The following TAFA5 variants were observed in gnomAD, a reference collection of about 807,000 sequenced individuals.
TAFA5 encodes chemokine-like protein TAFA-5.
Under a neutral mutation model 15.3 loss-of-function variants are expected in TAFA5, and 6 were observed. That is an observed-to-expected ratio of 0.39 (90% confidence interval 0.21 to 0.77). TAFA5 has a LOEUF of 0.77. Ranked by LOEUF, TAFA5 falls within the 30% of genes least tolerant of loss-of-function variation. The pLI is 0.41. For missense variants in TAFA5, 161 were observed against 193.1 expected (o/e 0.83, Z 0.98); for synonymous variants, 103 against 80.7 (o/e 1.28, Z -1.48).
intron 2 of TAFA5, among the ~76,000 whole-genome samples, chr22:48,700,085 G>C (rs1928856731): frequency 5.9e-5 from 9 of 152,146 alleles, no homozygotes; most frequent in Admixed American, 5.2e-4. Flanking sequence ...ATGGGCCCCT[G>C]GGACAGCATT....
rs1242424582 is a variant in TAFA5 at position 48,560,278 on chromosome 22, G to A, written c.112+70574G>A. 6.6e-6 allele frequency among the ~76,000 whole-genome samples: 1 copy of A among 152,172 alleles called. No individual in the cohort carries two copies. Among genetic ancestry groups the A allele is most frequent in the Non-Finnish European group, 1.5e-5 (1 of 68,040 alleles). On this transcript the variant is annotated intron_variant, in intron 1 of 3. Transcript: ENST00000402357. The surrounding 1 kb of genome is among the most constrained non-coding windows in gnomAD (Gnocchi z 4.2). ...CCCAGGCTGGTGCCGTCAGGCTCCC[G>A]GCATTGGTGCACCCCGGCATTGGTG...
In TAFA5 at chr22:48,601,466, A is replaced by G. The variant is rs1043485183; in HGVS notation, c.113-45131A>G. On this transcript the variant is annotated intron_variant, in intron 1 of 3. Transcript: ENST00000402357. ...TTCAGCCTCCAGAGTAGCTGGGACT[A>G]CAGGCATGCACCACCATGCCCGGCG... Among the ~76,000 whole-genome samples, 3 of 152,112 alleles carry G rather than the reference A, an allele frequency of 2.0e-5. 1 individual carries two copies. The highest frequency in any genetic ancestry group is 7.2e-5 in the African/African-American group (3 of 41,414).
At chr22:48,727,025 A>G (rs1601701521) in intron 3 of TAFA5, among the ~76,000 whole-genome samples, 1 of 152,174 alleles carries the variant, frequency 6.6e-6, no homozygotes, top group Non-Finnish European at 1.5e-5. Flanking sequence ...AATTATTGCT[A>G]TCAGGTACAT....
intron 1 of TAFA5, among the ~76,000 whole-genome samples, chr22:48,555,136 G>A (rs991061904): frequency 2.6e-5 from 4 of 152,222 alleles, no homozygotes; most frequent in African/African-American, 9.6e-5. Flanking sequence ...CTGTCTCTTA[G>A]CAAACAGCCC....
At chr22:48,536,456 A>G (rs1922168923) in intron 1 of TAFA5, among the ~76,000 whole-genome samples, 1 of 152,208 alleles carries the variant, frequency 6.6e-6, no homozygotes. Flanking sequence ...GCGGGTGGGT[A>G]ACGAGCGCGC....
intron 1 of TAFA5, among the ~76,000 whole-genome samples, chr22:48,642,809 GTGCACGTGTGTGGTGTGTGTGCA>G (rs1396099932): frequency 2.4e-4 from 37 of 152,240 alleles, no homozygotes; most frequent in African/African-American, 8.9e-4. Flanking sequence ...TGGTCTGTGT[GTGCACGTGTGTGGTGTGTGTGCA>G]TGCACACGTG....
At chr22:48,719,031 G>A (rs1929488982) in intron 3 of TAFA5, among the ~76,000 whole-genome samples, 1 of 152,254 alleles carries the variant, frequency 6.6e-6, no homozygotes, top group South Asian at 2.1e-4. Flanking sequence ...GGACTGGGGA[G>A]CATAGCTGTT....
intron 1 of TAFA5, among the ~76,000 whole-genome samples, chr22:48,636,623 G>T (rs1329510673): frequency 6.6e-6 from 1 of 152,258 alleles, no homozygotes; most frequent in Non-Finnish European, 1.5e-5. Flanking sequence ...GCCTTCTGTT[G>T]TGGGGAGACG....
chr22:48,567,341 G>GC lies in TAFA5; in HGVS notation c.112+77641dup, dbSNP rs772654174. ...CGAGGACTGCGGGTAGCAGGCTCCC[G>GC]CCCCAGGCTGAGTGCTTTCCTCCCA... On this transcript the variant is annotated intron_variant, in intron 1 of 3. Transcript: ENST00000402357. Among the ~76,000 whole-genome samples, 11 of 150,962 alleles carry GC rather than the reference G, an allele frequency of 7.3e-5. No homozygotes were observed. In the East Asian group the frequency reaches 2.1e-3, roughly 29 times the overall value.
chr22:48,691,316 A>G (rs981346946), intron 2 of TAFA5, among the ~76,000 whole-genome samples: 3 of 152,228 alleles, frequency 2.0e-5, no homozygotes, highest in African/African-American at 7.2e-5. Context: ...CCGTCTTTCC[A>G]AAGCCCTGGG....
chr22:48,616,591 G>C (rs1425408395), intron 1 of TAFA5, among the ~76,000 whole-genome samples: 1 of 97,492 alleles, frequency 1.0e-5, no homozygotes, highest in East Asian at 6.7e-4. Context: ...CAGGAAGGTG[G>C]CATTTTGCCT....
chr22:48,539,994 A>G (rs1029821604), intron 1 of TAFA5, among the ~76,000 whole-genome samples: 20 of 152,126 alleles, frequency 1.3e-4, no homozygotes, highest in Non-Finnish European at 2.8e-4. Context: ...GGCAGAGCCC[A>G]TGTCCCATGG....
intron 1 of TAFA5, among the ~76,000 whole-genome samples, chr22:48,561,336 C>A (rs1414845505): frequency 6.6e-6 from 1 of 152,158 alleles, no homozygotes; most frequent in Non-Finnish European, 1.5e-5. Context: ...GTTTCTGGGG[C>A]CCCTTTGCAG....
chr22:48,579,864 A>G (rs1923968092), intron 1 of TAFA5, among the ~76,000 whole-genome samples: 1 of 152,196 alleles, frequency 6.6e-6, no homozygotes, highest in Non-Finnish European at 1.5e-5. Context: ...GACATGAGAA[A>G]GCCGGGAAAT....
chr22:48,708,522 G>A (rs1929153427), intron 3 of TAFA5, among the ~76,000 whole-genome samples: 1 of 152,228 alleles, frequency 6.6e-6, no homozygotes, highest in South Asian at 2.1e-4. Flanking sequence ...CACGGATGCT[G>A]AGGCGGTTTC....
intron 1 of TAFA5, among the ~76,000 whole-genome samples, chr22:48,558,850 C>T (rs1440788509): frequency 6.6e-6 from 1 of 152,192 alleles, no homozygotes; most frequent in African/African-American, 2.4e-5. Context: ...GAACGGCGGG[C>T]CCACCTCCTG....
At chr22:48,500,814 T>A (rs1920947678) in intron 1 of TAFA5, among the ~76,000 whole-genome samples, 1 of 152,182 alleles carries the variant, frequency 6.6e-6, no homozygotes, top group Non-Finnish European at 1.5e-5. Context: ...GCTGGGGGAC[T>A]CAGGAGGTGG....
chr22:48,609,127 C>T (rs972357378), intron 1 of TAFA5, among the ~76,000 whole-genome samples: 7 of 152,138 alleles, frequency 4.6e-5, no homozygotes, highest in Non-Finnish European at 1.0e-4. Flanking sequence ...GCACTGCTGT[C>T]GGATGGATGT....
At chr22:48,664,198 ACT>A (rs1301934156) in intron 2 of TAFA5, among the ~76,000 whole-genome samples, 2 of 152,116 alleles carry the variant, frequency 1.3e-5, no homozygotes, top group African/African-American at 2.4e-5. Context: ...TGGGTTTGGT[ACT>A]CTCTGCCGTT....
Sources: gnomAD v4.1 joint callset for allele counts (sites outside exome capture counted in the v4.1 genomes callset) on GRCh38, gnomAD v4.1.1 for gene constraint, Gnocchi (gnomAD v3.1) non-coding constraint, MANE v1.5 for transcripts, NCBI Gene and HGNC (gene_info 2026-07-23, HGNC 2026-07-21) for gene names.